The following PRDM15 variants were observed in gnomAD, a reference collection of about 807,000 sequenced individuals.
The protein encoded by PRDM15 is PR/SET domain 15.
A neutral mutation model predicts 128.6 loss-of-function variants in PRDM15; 64 were observed. That is an observed-to-expected ratio of 0.50 (90% CI 0.41 to 0.61). The LOEUF is 0.61. Among genes scored for constraint, PRDM15 ranks in the 20% least tolerant of loss-of-function variants. PRDM15 has a pLI of 0.00. For missense variants in PRDM15, 1,242 were observed against 1,569.1 expected (o/e 0.79, Z 3.52); for synonymous variants, 615 against 621.8 (o/e 0.99, Z 0.16).
Position 41,836,575 on chromosome 21 carries a change from C to A in PRDM15, c.1076G>T (p.Arg359Leu), listed in dbSNP as rs776443327. 3.7e-6 allele frequency: 6 copies of A among 1,613,250 alleles called. No homozygotes were observed. In the Admixed American group the frequency reaches 5.0e-5, roughly 13 times the overall value. ...CTCCCCGAGCTGTTTGATGAGCTTG[C>A]GCCGGATGCCGTGTCTGCTTGAGAG... ...LILSSRHGIRRKLIKQLGEHK... is the reference protein window; with the variant it reads ...LILSSRHGIRLKLIKQLGEHK... Residue 359 changes from arginine (R) to leucine (L), a missense_variant, in exon 9 of 24, where the codon CGC becomes CTC. Arg to Leu is a moderately radical substitution (Grantham distance 102). Around this residue, in one of 3 missense-constraint regions of PRDM15, gnomAD observed 612 missense variants for 717.0 expected, o/e 0.85. Transcript: ENST00000398548.
intron 1 of PRDM15, among the ~76,000 whole-genome samples, chr21:41,874,525 A>ATATATATTTTTTT: frequency 1.1e-3 from 105 of 95,796 alleles, no homozygotes; most frequent in Non-Finnish European, 1.4e-3. Context: ...ATATATATAT[A>ATATATATTTTTTT]TTTTTTTTTT....
chr21:41,856,076 TTCCTTCCCTCCCTCCCCTCCCTC>T (rs1568995144), intron 4 of PRDM15, among the ~76,000 whole-genome samples: 6 of 20,994 alleles, frequency 2.9e-4, no homozygotes, highest in African/African-American at 5.7e-4. Flanking sequence ...CCTCCCTCCC[TTCCTTCCCTCCCTCCCCTCCCTC>T]CCTTCCTTTC....
chr21:41,819,746 C>T (rs138548984), intron 17 of PRDM15, 45 bp from the exon 18 acceptor site: 24,473 of 1,557,542 alleles, frequency 0.016, 372 homozygotes, highest in Middle Eastern at 0.071. Context: ...CAGCTCCGAC[C>T]TGCAGTGGCT....
intron 6 of PRDM15, among the ~76,000 whole-genome samples, chr21:41,846,000 C>A (rs1219787225): frequency 6.6e-6 from 1 of 151,984 alleles, no homozygotes; most frequent in Non-Finnish European, 1.5e-5. Flanking sequence ...GTGACAAACA[C>A]AAAATACTTC....
intron 4 of PRDM15, among the ~76,000 whole-genome samples, chr21:41,855,386 A>G (rs915832): frequency 0.72 from 110,180 of 152,098 alleles, 40,237 homozygotes; most frequent in Admixed American, 0.8. Flanking sequence ...AAAAACTTAC[A>G]TATTTTGAAG....
intron 1 of PRDM15, chr21:41,861,584 T>C (rs771851418): frequency 1.4e-5 from 22 of 1,605,544 alleles, no homozygotes; most frequent in Admixed American, 1.7e-5. Context: ...TCCTGCAACC[T>C]GCTTCTCTGA....
At position 41,832,738 on chromosome 21, in the gene PRDM15, G is replaced by A. The variant is rs1363061178; in HGVS notation, c.1366+2699C>T. ...CAGGCAGGTGCAAATCAGCACCCAT[G>A]AGCACCCCCTCCTGGGCAGGTGGCT... is the stretch of plus-strand genomic sequence containing the variant. On this transcript the variant is annotated intron_variant, in intron 11 of 23. Transcript: ENST00000398548. The surrounding 1 kb of genome is among the most constrained non-coding windows in gnomAD (Gnocchi z 4.2). Among the ~76,000 whole-genome samples, 2 of 152,128 alleles carry A rather than the reference G, an allele frequency of 1.3e-5. No homozygotes were observed. Among genetic ancestry groups the A allele is most frequent in the Non-Finnish European group, 2.9e-5 (2 of 68,014 alleles).
intron 6 of PRDM15, among the ~76,000 whole-genome samples, chr21:41,842,314 G>A (rs1260550479): frequency 6.6e-6 from 1 of 152,092 alleles, no homozygotes; most frequent in East Asian, 1.9e-4. Flanking sequence ...TATTTAACAT[G>A]GAGGAGAAGG....
chr21:41,839,364 G>C (rs1052531595), intron 7 of PRDM15, among the ~76,000 whole-genome samples: 1 of 152,212 alleles, frequency 6.6e-6, no homozygotes, highest in African/African-American at 2.4e-5. Flanking sequence ...CTACCCTGAC[G>C]GGGGTGCTGG....
At chr21:41,869,308 T>G (rs747702003) in intron 1 of PRDM15, among the ~76,000 whole-genome samples, 3 of 151,856 alleles carry the variant, frequency 2.0e-5, no homozygotes, top group Non-Finnish European at 4.4e-5. Context: ...TAAGAGGGAG[T>G]CTCACTCTGT....
intron 1 of PRDM15, among the ~76,000 whole-genome samples, chr21:41,876,332 G>C (rs1253447411): frequency 6.6e-6 from 1 of 152,156 alleles, no homozygotes; most frequent in East Asian, 1.9e-4. Context: ...CCTCTTTCTA[G>C]AAATGCGAGC....
rs545165626 is a variant in PRDM15 at position 41,862,058 on chromosome 21, C to T, written c.-9-1686G>A. On this transcript the variant is annotated intron_variant, in intron 1 of 23. Coordinates refer to ENST00000398548, the MANE Select transcript of PRDM15 (RefSeq NM_001040424.3). The surrounding 1 kb of genome is among the most constrained non-coding windows in gnomAD (Gnocchi z 4.1). The stretch of plus-strand genomic sequence containing the variant: ...TAGGGACCAGTCTGGGATGGGGGCT[C>T]AGCTGGGCAGTGAGCAGGAGATGAA... 100 of 1,327,422 alleles carry T rather than the reference C, an allele frequency of 7.5e-5. 3 individuals carry two copies. In the South Asian group the frequency reaches 1.1e-3, roughly 15 times the overall value. The allele number at this position is 1,327,422 out of a possible 1,614,324, so 82.2% of individuals were successfully genotyped here.
intron 14 of PRDM15, among the ~76,000 whole-genome samples, chr21:41,822,468 C>A (rs1303301957): frequency 6.6e-6 from 1 of 152,250 alleles, no homozygotes; most frequent in Admixed American, 6.5e-5. Context: ...TGGGGAGGGA[C>A]ACAGATGCCA....
Position 41,859,033 on chromosome 21 carries a change from G to A in PRDM15, c.131+559C>T. ...AGGAGTGCCTTGTCCAAGCTCACCT[G>A]CCCTGGGCCACCAGGTGGCACAGCC... On this transcript the variant is annotated intron_variant, in intron 3 of 23. Coordinates refer to ENST00000398548, the MANE Select transcript of PRDM15 (RefSeq NM_001040424.3). This position sits in a 1 kb window ranked among gnomAD's most constrained non-coding sequence, Gnocchi z 5.3. The A allele has an allele frequency of 1.3e-6, 2 of 1,554,452 alleles. No homozygotes were observed. The highest frequency in any genetic ancestry group is 1.7e-6 in the Non-Finnish European group (2 of 1,149,216).
intron 1 of PRDM15, among the ~76,000 whole-genome samples, chr21:41,872,892 A>G (rs1029539693): frequency 7.9e-5 from 12 of 152,226 alleles, no homozygotes; most frequent in African/African-American, 2.7e-4. Context: ...AGGTGGCTTC[A>G]CGTGCATGTG....
intron 11 of PRDM15, among the ~76,000 whole-genome samples, chr21:41,834,141 T>C (rs1040118149): frequency 1.3e-5 from 2 of 152,154 alleles, no homozygotes; most frequent in Middle Eastern, 3.2e-3. Context: ...ATGCCAGACA[T>C]GGATCCTTCA....
Position 41,879,203 on chromosome 21 carries a change from G to T in PRDM15, c.-10+67C>A. 1.3e-6 allele frequency: 1 copy of T among 781,994 alleles called. No homozygotes were observed. The highest frequency in any genetic ancestry group is 1.5e-6 in the Non-Finnish European group (1 of 645,736). 48.4% of individuals were successfully genotyped at this position (781,994 alleles called of 1,614,324 possible). A position where few individuals can be genotyped will look rare whatever the true frequency, so the allele number is the denominator to read the frequency against. On this transcript the variant is annotated intron_variant, in intron 1 of 23. Coordinates refer to ENST00000398548, the MANE Select transcript of PRDM15 (RefSeq NM_001040424.3). The surrounding 1 kb of genome is among the most constrained non-coding windows in gnomAD (Gnocchi z 5.1). Reference sequence around the variant, plus strand: ...GCGCGCCGGGGCTCGCGGGGGCAGCGGGTGCGGCCCGGGGCCGGCGGGGCG... The same window carrying T: ...GCGCGCCGGGGCTCGCGGGGGCAGCTGGTGCGGCCCGGGGCCGGCGGGGCG...
intron 12 of PRDM15, among the ~76,000 whole-genome samples, chr21:41,827,704 T>A (rs1278405784): frequency 6.6e-6 from 1 of 152,254 alleles, no homozygotes; most frequent in Non-Finnish European, 1.5e-5. Context: ...ATATGCTTCA[T>A]TTGTAATTAT....
chr21:41,823,420 C>T lies in PRDM15; in HGVS notation c.1659G>A (p.Lys553=), dbSNP rs779123329. 9.0e-6 allele frequency: 14 copies of T among 1,557,552 alleles called. 1 individual carries two copies. In the East Asian group the frequency reaches 1.9e-4, roughly 22 times the overall value. Residue 553 remains lysine, a synonymous_variant, in exon 14 of 24, where the codon AAG becomes AAA. Coordinates refer to ENST00000398548, the MANE Select transcript of PRDM15 (RefSeq NM_001040424.3). ...TCTTGTCGCCGTGGGTGAGCAGGTG[C>T]TTGTTCATATTGCTCCGGCAGGAGA... ...KVFSCRSNMN[K]HLLTHGDKKY... is the part of the protein sequence containing the mutation.
Sources: gnomAD v4.1 joint callset for allele counts (sites outside exome capture counted in the v4.1 genomes callset) on GRCh38, gnomAD v4.1.1 for gene constraint, gnomAD v4.1.1 regional missense constraint, Gnocchi (gnomAD v3.1) non-coding constraint, MANE v1.5 for transcripts, NCBI Gene and HGNC (gene_info 2026-07-23, HGNC 2026-07-21) for gene names.